COL25A1: variants seen among roughly 807,000 people sequenced by gnomAD.
COL25A1 encodes collagen type XXV alpha 1 chain.
COL25A1 carries 103 observed loss-of-function variants against 128.4 expected under a neutral mutation model. That is an observed-to-expected ratio of 0.80 (90% CI 0.68 to 0.94). The LOEUF (loss-of-function observed/expected upper bound fraction) is 0.94, where lower values mean the gene tolerates loss of function less well. COL25A1 is among the 40% of genes least tolerant of loss of function. The probability of loss-of-function intolerance (pLI) is 0.00; values close to 1 mark genes in which losing one functional copy is unlikely to be tolerated. For synonymous variants in COL25A1, 279 were observed against 277.2 expected, an observed-to-expected ratio of 1.01 and a Z score of -0.06; for missense variants, 745 against 840.0, an observed-to-expected ratio of 0.89 and a Z score of 1.40.
chr4:109,099,397 C>T (rs1765684463), intron 3 of COL25A1, among the ~76,000 whole-genome samples: 1 of 152,088 alleles, frequency 6.6e-6, no homozygotes, highest in Non-Finnish European at 1.5e-5. Context: ...TGATATATAA[C>T]TTTTCTGATA....
At chr4:109,044,625 C>T (rs369019770) in intron 5 of COL25A1, among the ~76,000 whole-genome samples, 54 of 152,224 alleles carry the variant, frequency 3.5e-4, no homozygotes, top group East Asian at 2.9e-3. Context: ...ATGGGAACTG[C>T]GGGCCAGAAG....
chr4:109,145,502 T>A (rs1350510337), intron 3 of COL25A1, among the ~76,000 whole-genome samples: 1 of 152,238 alleles, frequency 6.6e-6, no homozygotes, highest in East Asian at 1.9e-4. Context: ...CCTTTTATAA[T>A]TTTTGACAAG....
At chr4:108,814,471 G>T (rs1187578984) in intron 37 of COL25A1, among the ~76,000 whole-genome samples, 1 of 152,122 alleles carries the variant, frequency 6.6e-6, no homozygotes, top group African/African-American at 2.4e-5. Context: ...AGGTAGACCT[G>T]CCTGCTGTCA....
intron 3 of COL25A1, among the ~76,000 whole-genome samples, chr4:109,073,481 G>T (rs748644082): frequency 6.6e-6 from 1 of 152,110 alleles, no homozygotes; most frequent in African/African-American, 2.4e-5. Flanking sequence ...AATCGCTGCA[G>T]ATCTTCTTTA....
chr4:108,868,681 G>A (rs1738263873), intron 20 of COL25A1, among the ~76,000 whole-genome samples: 2 of 145,180 alleles, frequency 1.4e-5, no homozygotes, highest in African/African-American at 5.1e-5. Flanking sequence ...GAAGGAAAGG[G>A]AAGGGAAGCG....
intron 12 of COL25A1, 38 bp downstream of exon 12, chr4:108,920,540 G>C: frequency 6.5e-7 from 1 of 1,546,172 alleles, no homozygotes; most frequent in Non-Finnish European, 8.9e-7. Context: ...GGTCATGAGA[G>C]CATAATTACT....
chr4:108,924,647 G>A (rs1479497771), intron 11 of COL25A1, among the ~76,000 whole-genome samples: 1 of 152,140 alleles, frequency 6.6e-6, no homozygotes, highest in African/African-American at 2.4e-5. Flanking sequence ...TTCACCTAAT[G>A]ACGACCCTAC....
At chr4:108,989,094 G>A (rs780897326) in intron 6 of COL25A1, among the ~76,000 whole-genome samples, 1 of 152,180 alleles carries the variant, frequency 6.6e-6, no homozygotes, top group Non-Finnish European at 1.5e-5. Context: ...CAAAGACTTG[G>A]TAGTTTTCTT....
chr4:109,137,645 T>C (rs6845756), intron 3 of COL25A1, among the ~76,000 whole-genome samples: 56 of 152,332 alleles, frequency 3.7e-4, no homozygotes, highest in African/African-American at 1.2e-3. Context: ...CATTAGATTA[T>C]AGAAAACAAT....
intron 8 of COL25A1, among the ~76,000 whole-genome samples, chr4:108,944,958 G>C (rs1298254268): frequency 6.6e-6 from 1 of 152,160 alleles, no homozygotes; most frequent in Non-Finnish European, 1.5e-5. Context: ...GTGTAGCAAA[G>C]TAAAAAGGGG....
chr4:108,866,607 C>T (rs114619153), intron 20 of COL25A1, among the ~76,000 whole-genome samples: 3 of 152,352 alleles, frequency 2.0e-5, no homozygotes, highest in East Asian at 3.9e-4. Context: ...GATCTCTCCT[C>T]ACTGTGTTGG....
At chr4:109,168,105 G>A (rs1578340239) in intron 3 of COL25A1, among the ~76,000 whole-genome samples, 1 of 152,214 alleles carries the variant, frequency 6.6e-6, no homozygotes, top group Middle Eastern at 3.4e-3. Flanking sequence ...ATGGCTCATT[G>A]TTTCTTCTGA....
chr4:109,014,138 C>T (rs1579086528), intron 5 of COL25A1, among the ~76,000 whole-genome samples: 1 of 152,094 alleles, frequency 6.6e-6, no homozygotes, highest in Non-Finnish European at 1.5e-5. Flanking sequence ...GAAACCCCGT[C>T]TCTACTAAAA....
Position 108,943,318 on chromosome 4 carries a change from G to A in COL25A1, c.493-1881C>T, listed in dbSNP as rs538147215. 2.0e-4 allele frequency among the ~76,000 whole-genome samples: 31 copies of A among 152,258 alleles called. No homozygotes were observed. In the East Asian group the frequency reaches 4.2e-3, roughly 21 times the overall value. ...GTTTACAACTCAGGACATACAATAC[G>A]TGTATTAATTCTTTTTTGGACAACA... is the stretch of plus-strand genomic sequence containing the variant. On this transcript the variant is annotated intron_variant, in intron 8 of 37. Coordinates refer to ENST00000399132, the MANE Select transcript of COL25A1 (RefSeq NM_198721.4).
In COL25A1 at chr4:108,857,580, A is replaced by AC. The variant is rs552317323; in HGVS notation, c.1320+2075dup. Among the ~76,000 whole-genome samples, 1,385 of 150,482 alleles carry AC rather than the reference A, an allele frequency of 9.2e-3. 20 individuals carry two copies. The highest frequency in any genetic ancestry group is 0.032 in the African/African-American group (1,309 of 41,108). On this transcript the variant is annotated intron_variant, in intron 24 of 37. Transcript: ENST00000399132. Reference sequence around the variant, plus strand: ...CTGAAAATAGATTTAAAAAAAAAAAACGACTTAGTGCTCTACTAGTTAAAA... The same window carrying AC: ...CTGAAAATAGATTTAAAAAAAAAAAACCGACTTAGTGCTCTACTAGTTAAAA...
At chr4:108,980,346 T>C (rs1304633453) in intron 6 of COL25A1, among the ~76,000 whole-genome samples, 1 of 152,210 alleles carries the variant, frequency 6.6e-6, no homozygotes, top group Non-Finnish European at 1.5e-5. Flanking sequence ...ACTGGTTAAC[T>C]GATTGGACAT....
At chr4:109,031,258 C>T (rs190985613) in intron 5 of COL25A1, among the ~76,000 whole-genome samples, 4 of 152,246 alleles carry the variant, frequency 2.6e-5, no homozygotes, top group Admixed American at 2.6e-4. Context: ...ACTACAGGCG[C>T]CTGCCACCGC....
Position 108,823,998 on chromosome 4 carries a change from A to C in COL25A1, c.1845+176T>G, listed in dbSNP as rs552520436. ...GCCAGGCAGTGCCCTTATATCTGGCAGTACAGCCTTCTTCATTCCTCTCTG... is the reference window on the plus strand; with the variant it reads ...GCCAGGCAGTGCCCTTATATCTGGCCGTACAGCCTTCTTCATTCCTCTCTG... On this transcript the variant is annotated intron_variant, in intron 35 of 37. Transcript: ENST00000399132. 75 of 1,561,752 alleles carry C rather than the reference A, an allele frequency of 4.8e-5. No individual in the cohort carries two copies. The African/African-American group carries it at 8.5e-4, about 18-fold the overall frequency.
chr4:108,949,781 C>T (rs977520319), intron 8 of COL25A1, among the ~76,000 whole-genome samples: 1 of 152,134 alleles, frequency 6.6e-6, no homozygotes, highest in Non-Finnish European at 1.5e-5. Flanking sequence ...ATCATCCTCC[C>T]ACCTCGGCCT....
Sources: allele counts gnomAD v4.1 joint callset (sites outside exome capture counted in the v4.1 genomes callset), GRCh38; gene constraint gnomAD v4.1.1; transcripts MANE v1.5; gene names NCBI Gene and HGNC (gene_info 2026-07-23, HGNC 2026-07-21).